PPARD: variants seen among roughly 807,000 people sequenced by gnomAD.
The protein encoded by PPARD is peroxisome proliferator activated receptor delta.
A neutral mutation model predicts 39.5 loss-of-function variants in PPARD; 6 were observed. The ratio of observed to expected loss-of-function variants is 0.15; its 90% CI spans 0.08 to 0.30. The LOEUF (loss-of-function observed/expected upper bound fraction) is 0.30. PPARD is among the 10% of genes least tolerant of loss of function. PPARD has a pLI of 1.00. For synonymous variants in PPARD, 210 were observed against 231.3 expected, an observed-to-expected ratio of 0.91 and a Z score of 0.83; for missense variants, 397 against 596.8, an observed-to-expected ratio of 0.67 and a Z score of 3.49.
intron 2 of PPARD, among the ~76,000 whole-genome samples, chr6:35,399,969 C>CAGCT (rs1371980846): frequency 2.6e-5 from 4 of 152,276 alleles, no homozygotes; most frequent in Non-Finnish European, 2.9e-5. Context: ...TTGCAGTGAA[C>CAGCT]AGCTCAGTGT....
intron 2 of PPARD, among the ~76,000 whole-genome samples, chr6:35,364,995 C>T (rs925770222): frequency 7.9e-5 from 12 of 151,886 alleles, no homozygotes; most frequent in Non-Finnish European, 2.9e-5. Context: ...AGGCGTGAGC[C>T]ACCGCGCCCG....
At chr6:35,397,335 C>A (rs545336187) in intron 2 of PPARD, among the ~76,000 whole-genome samples, 4 of 152,238 alleles carry the variant, frequency 2.6e-5, no homozygotes, top group African/African-American at 9.6e-5. Flanking sequence ...ATGAAGCCCC[C>A]CCTCCCGCAA....
chr6:35,364,931 G>A (rs1219381387), intron 2 of PPARD, among the ~76,000 whole-genome samples: 10 of 151,534 alleles, frequency 6.6e-5, no homozygotes, highest in Admixed American at 1.3e-4. Flanking sequence ...GGATGGTCTC[G>A]ATCTCCTGAC....
intron 2 of PPARD, among the ~76,000 whole-genome samples, chr6:35,403,715 G>A (rs867140435): frequency 2.3e-4 from 35 of 152,176 alleles, no homozygotes; most frequent in African/African-American, 6.8e-4. Flanking sequence ...TTGCAGATCT[G>A]GAGGGCCCGG....
intron 3 of PPARD, among the ~76,000 whole-genome samples, chr6:35,415,953 C>T (rs1171905438): frequency 6.6e-6 from 1 of 152,202 alleles, no homozygotes; most frequent in Admixed American, 6.5e-5. Context: ...TTTCCTGTTC[C>T]ACAGTGGGGC....
At chr6:35,344,316 G>C (rs1320680552) in intron 1 of PPARD, among the ~76,000 whole-genome samples, 1 of 151,940 alleles carries the variant, frequency 6.6e-6, no homozygotes, top group African/African-American at 2.4e-5. Context: ...ATAGTATGAG[G>C]TATCAGATTG....
At position 35,368,137 on chromosome 6, in the gene PPARD, A is replaced by G. The variant is rs1166129937; in HGVS notation, c.-102+20987A>G. Among the ~76,000 whole-genome samples the G allele has an allele frequency of 3.9e-5, 6 of 152,308 alleles. 1 individual carries two copies. The South Asian group carries it at 1.2e-3, about 32-fold the overall frequency. On this transcript the variant is annotated intron_variant, in intron 2 of 7. Transcript: ENST00000360694. ...GCTGATTTTTCTTGTGGTCTCCCAC[A>G]GTGGAAGTTGTACTAGTCATCCCCC...
chr6:35,369,469 C>T (rs577933842), intron 2 of PPARD, among the ~76,000 whole-genome samples: 2 of 152,278 alleles, frequency 1.3e-5, no homozygotes, highest in East Asian at 1.9e-4. Flanking sequence ...TGCCCCATCC[C>T]GCCCTTACTC....
chr6:35,357,536 T>C (rs893187051), intron 2 of PPARD, among the ~76,000 whole-genome samples: 7 of 149,604 alleles, frequency 4.7e-5, no homozygotes, highest in African/African-American at 1.5e-4. Context: ...CTCCACTGCC[T>C]ACTTTTTTTT....
intron 2 of PPARD, among the ~76,000 whole-genome samples, chr6:35,350,969 A>G (rs1188762208): frequency 4.0e-5 from 6 of 151,866 alleles, no homozygotes; most frequent in African/African-American, 1.5e-4. Context: ...ATATTATAAA[A>G]CAGCATTCTC....
chr6:35,411,327 C>T (rs1433887657), intron 3 of PPARD, 110 bp downstream of exon 3: 1 of 1,276,320 alleles, frequency 7.8e-7, no homozygotes, highest in Admixed American at 3.1e-5. Flanking sequence ...TAGCAGAGTG[C>T]TGAAGGACTG....
intron 1 of PPARD, among the ~76,000 whole-genome samples, chr6:35,345,463 A>AT (rs908805153): frequency 7.2e-5 from 11 of 151,946 alleles, no homozygotes; most frequent in African/African-American, 2.4e-4. Flanking sequence ...TTAAAAAACA[A>AT]TTTTTTTGTA....
chr6:35,374,384 G>A (rs1189111081), intron 2 of PPARD, among the ~76,000 whole-genome samples: 2 of 151,982 alleles, frequency 1.3e-5, no homozygotes, highest in East Asian at 1.9e-4. Flanking sequence ...TGGGCCAGGC[G>A]CGGTGGCTCA....
chr6:35,375,718 T>G (rs578049249), intron 2 of PPARD, among the ~76,000 whole-genome samples: 8 of 151,978 alleles, frequency 5.3e-5, no homozygotes, highest in Non-Finnish European at 8.8e-5. Context: ...CTCAGATAAT[T>G]TAAAAAAAAA....
At chr6:35,349,848 T>C (rs1306663319) in intron 2 of PPARD, among the ~76,000 whole-genome samples, 2 of 151,916 alleles carry the variant, frequency 1.3e-5, no homozygotes, top group African/African-American at 2.4e-5. Context: ...TTCAAGCGAT[T>C]CTCCTGCCTC....
chr6:35,406,786 A>G (rs1765080931), intron 2 of PPARD, among the ~76,000 whole-genome samples: 2 of 152,174 alleles, frequency 1.3e-5, no homozygotes, highest in South Asian at 4.1e-4. Context: ...TTCTGGTGAA[A>G]AAAACCCACT....
chr6:35,420,147 C>T lies in PPARD; in HGVS notation c.151C>T (p.Pro51Ser). 1 of 1,613,442 alleles carries T rather than the reference C, an allele frequency of 6.2e-7. No individual in the cohort carries two copies. The highest frequency in any genetic ancestry group is 1.1e-5 in the South Asian group (1 of 91,050). Reference sequence around the variant, plus strand: ...CGCAGACCTCTCCCGGAGCTCCTCGCCACCCTCACTGCTGGACCAACTGCA... The same window carrying T: ...CGCAGACCTCTCCCGGAGCTCCTCGTCACCCTCACTGCTGGACCAACTGCA... ...SYTDLSRSSS[P>S]PSLLDQLQMG... Residue 51 changes from proline (P) to serine (S), a missense_variant, in exon 4 of 8, where the codon CCA becomes TCA. Pro to Ser is a moderately conservative substitution (Grantham distance 74, BLOSUM62 -1). Coordinates refer to ENST00000360694, the MANE Select transcript of PPARD (RefSeq NM_006238.5).
intron 2 of PPARD, among the ~76,000 whole-genome samples, chr6:35,351,781 T>C (rs1582273917): frequency 1.3e-5 from 2 of 152,006 alleles, no homozygotes; most frequent in African/African-American, 4.8e-5. Flanking sequence ...AGGCTGGTCT[T>C]GAATTCCTGG....
chr6:35,400,893 C>G (rs1368322355), intron 2 of PPARD, among the ~76,000 whole-genome samples: 1 of 152,086 alleles, frequency 6.6e-6, no homozygotes, highest in African/African-American at 2.4e-5. Context: ...TGGTTGGCAT[C>G]CTGGTCACAA....
Sources: gnomAD v4.1 joint callset for allele counts (sites outside exome capture counted in the v4.1 genomes callset) on GRCh38, gnomAD v4.1.1 for gene constraint, MANE v1.5 for transcripts, NCBI Gene and HGNC (gene_info 2026-07-23, HGNC 2026-07-21) for gene names.